STAT3: variants seen among roughly 807,000 people sequenced by gnomAD.
The protein encoded by STAT3 is DNA-binding protein APRF.
Under a neutral mutation model 114.3 loss-of-function variants are expected in STAT3, and 7 were observed. The ratio of observed to expected loss-of-function variants is 0.06; its 90% CI spans 0.03 to 0.11. The LOEUF is 0.11. Ranked by LOEUF, STAT3 falls within the 10% of genes least tolerant of loss-of-function variation. The pLI is 1.00. For missense variants in STAT3, 364 were observed against 960.9 expected, an observed-to-expected ratio of 0.38 and a Z score of 8.21; for synonymous variants, 331 against 354.5, an observed-to-expected ratio of 0.93 and a Z score of 0.74.
intron 1 of STAT3, among the ~76,000 whole-genome samples, chr17:42,351,905 C>T (rs933321866): frequency 1.3e-5 from 2 of 151,876 alleles, no homozygotes; most frequent in South Asian, 2.1e-4. Context: ...ATTATAGGCA[C>T]GCACCACCAT....
intron 1 of STAT3, among the ~76,000 whole-genome samples, chr17:42,379,269 A>C (rs2084644872): frequency 4.6e-5 from 7 of 152,178 alleles, no homozygotes; most frequent in Admixed American, 4.6e-4. Context: ...AGGAAAAAAG[A>C]AAAGCACTGC....
intron 4 of STAT3, among the ~76,000 whole-genome samples, chr17:42,345,207 G>A (rs957688838): frequency 2.6e-5 from 4 of 151,760 alleles, no homozygotes; most frequent in Non-Finnish European, 5.9e-5. Flanking sequence ...GGAGGTTGCA[G>A]TGAGCCAAGA....
intron 14 of STAT3, among the ~76,000 whole-genome samples, chr17:42,327,481 T>C (rs966222885): frequency 2.6e-5 from 4 of 152,212 alleles, no homozygotes; most frequent in Non-Finnish European, 5.9e-5. Flanking sequence ...TTCCATTGTG[T>C]CTATACCACA....
intron 1 of STAT3, among the ~76,000 whole-genome samples, chr17:42,382,847 C>T (rs375791253): frequency 6.6e-6 from 1 of 151,686 alleles, no homozygotes; most frequent in South Asian, 2.1e-4. Flanking sequence ...GGAGTTTCAC[C>T]GTGTTAGCCA....
intron 4 of STAT3, among the ~76,000 whole-genome samples, chr17:42,344,420 CAAA>C (rs35455295): frequency 8.2e-6 from 1 of 121,788 alleles, no homozygotes. Context: ...GACTCTGTCT[CAAA>C]AAAAAAAAAA....
chr17:42,367,162 TAAATAAA>T (rs2083847926), intron 1 of STAT3, among the ~76,000 whole-genome samples: 1 of 150,032 alleles, frequency 6.7e-6, no homozygotes, highest in African/African-American at 2.5e-5. Flanking sequence ...AACATAAAAA[TAAATAAA>T]AAATAAAAAT....
chr17:42,365,652 G>GT (rs758091970), intron 1 of STAT3, among the ~76,000 whole-genome samples: 8,390 of 116,880 alleles, frequency 0.072, 310 homozygotes, highest in Non-Finnish European at 0.094. Context: ...TTTTTTTTTT[G>GT]TTTTTTTTTG....
chr17:42,313,833 G>A lies in STAT3; in HGVS notation c.*1912C>T, dbSNP rs2081160450. Reference sequence around the variant, plus strand: ...GAAGAGTGTTGCTGGAGAAGTAAGAGCTCTGCATGACACATCAACTGTCTC... The same window carrying A: ...GAAGAGTGTTGCTGGAGAAGTAAGAACTCTGCATGACACATCAACTGTCTC... On this transcript the variant is annotated 3_prime_UTR_variant, in exon 24 of 24. Coordinates refer to ENST00000264657, the MANE Select transcript of STAT3 (RefSeq NM_139276.3). 1 of 233,022 alleles carries A rather than the reference G, an allele frequency of 4.3e-6. No individual in the cohort carries two copies. 14.4% of individuals were successfully genotyped at this position (233,022 alleles called of 1,614,324 possible).
chr17:42,387,877 G>A (rs1233500788), intron 1 of STAT3: 1 of 172,074 alleles, frequency 5.8e-6, no homozygotes, highest in African/African-American at 2.4e-5. Flanking sequence ...GGGCGGGGAG[G>A]AGGCGCTTTC....
At chr17:42,336,502 GT>G (rs1386880374) in intron 8 of STAT3, among the ~76,000 whole-genome samples, 1 of 152,040 alleles carries the variant, frequency 6.6e-6, no homozygotes, top group Non-Finnish European at 1.5e-5. Flanking sequence ...GAAGGCTAAG[GT>G]GGGAAGACTG....
In STAT3 at chr17:42,316,777, C is replaced by T. The variant is rs1184022469; in HGVS notation, c.2257+12G>A. On this transcript the variant is annotated intron_variant, in intron 23 of 23. Transcript: ENST00000264657. ...CCCTTATAGGGACAAAGTCTGTCAA[C>T]CAAATACTCACCAAACTGCCCTCCT... The T allele has an allele frequency of 6.2e-7, 1 of 1,613,604 alleles. No homozygotes were observed. The highest frequency in any genetic ancestry group is 8.5e-7 in the Non-Finnish European group (1 of 1,179,846).
chr17:42,367,935 A>G (rs1191530267), intron 1 of STAT3, among the ~76,000 whole-genome samples: 2 of 152,268 alleles, frequency 1.3e-5, no homozygotes, highest in African/African-American at 4.8e-5. Context: ...TTCATATAAC[A>G]GCATAAACTG....
At position 42,315,601 on chromosome 17, in the gene STAT3, A is replaced by G; in HGVS notation, c.*144T>C. On this transcript the variant is annotated 3_prime_UTR_variant, in exon 24 of 24. Coordinates refer to ENST00000264657, the MANE Select transcript of STAT3 (RefSeq NM_139276.3). ...TTTTAAAAGTGCCCAGATTGCTCAA[A>G]GATAGCAGAAGTAGGAGATTAAAAA... The G allele has an allele frequency of 1.2e-6, 1 of 801,834 alleles. No individual in the cohort carries two copies. 49.7% of individuals were successfully genotyped at this position (801,834 alleles called of 1,614,324 possible).
intron 14 of STAT3, among the ~76,000 whole-genome samples, chr17:42,328,018 T>C (rs1359473942): frequency 3.4e-5 from 5 of 146,534 alleles, no homozygotes; most frequent in Admixed American, 6.8e-5. Context: ...TGCAATCCGA[T>C]AGAACGAGAC....
At chr17:42,371,267 TGAG>T (rs1165989398) in intron 1 of STAT3, among the ~76,000 whole-genome samples, 1 of 152,060 alleles carries the variant, frequency 6.6e-6, no homozygotes, top group Non-Finnish European at 1.5e-5. Context: ...ACAAGTTACT[TGAG>T]GGAAGATGTC....
intron 18 of STAT3, 82 bp downstream of exon 18, chr17:42,323,491 A>G (rs1361471318): frequency 6.4e-7 from 1 of 1,569,674 alleles, no homozygotes; most frequent in African/African-American, 1.4e-5. Context: ...CCAAGAGTTC[A>G]GGGCCTTCAA....
At chr17:42,330,861 A>G (rs1415894246) in intron 11 of STAT3, among the ~76,000 whole-genome samples, 1 of 152,218 alleles carries the variant, frequency 6.6e-6, no homozygotes, top group Non-Finnish European at 1.5e-5. Flanking sequence ...TTCTTTCCAC[A>G]TGCTATGTAT....
chr17:42,327,807 G>C (rs142625335), intron 14 of STAT3, among the ~76,000 whole-genome samples: 3 of 152,064 alleles, frequency 2.0e-5, no homozygotes, highest in Non-Finnish European at 2.9e-5. Context: ...CAGCACTTTC[G>C]GAGGCCGAGA....
chr17:42,343,675 A>C (rs2144951144), intron 4 of STAT3, among the ~76,000 whole-genome samples: 1 of 151,892 alleles, frequency 6.6e-6, no homozygotes, highest in East Asian at 1.9e-4. Flanking sequence ...GGATGGTCTC[A>C]ATCTCTTGAC....
Sources: gnomAD v4.1 joint callset for allele counts (sites outside exome capture counted in the v4.1 genomes callset) on GRCh38, gnomAD v4.1.1 for gene constraint, MANE v1.5 for transcripts, NCBI Gene and HGNC (gene_info 2026-07-23, HGNC 2026-07-21) for gene names.